MECOM: variants seen among roughly 807,000 people sequenced by gnomAD.
MECOM encodes the protein MDS1 and EVI1 complex locus, also known as histone-lysine N-methyltransferase MECOM.
Under a neutral mutation model 116.3 loss-of-function variants are expected in MECOM, and 13 were observed. The ratio of observed to expected loss-of-function variants is 0.11; its 90% CI spans 0.07 to 0.18. The LOEUF (loss-of-function observed/expected upper bound fraction) is 0.18. Ranked by LOEUF, MECOM falls within the 10% of genes least tolerant of loss-of-function variation. The pLI, the probability that MECOM is intolerant of heterozygous loss-of-function variation, is 1.00. For missense variants in MECOM, 1,299 were observed against 1,509.0 expected (o/e 0.86, Z 2.31); for synonymous variants, 528 against 535.2 (o/e 0.99, Z 0.19).
intron 2 of MECOM, among the ~76,000 whole-genome samples, chr3:169,244,745 A>C (rs188930798): frequency 6.6e-6 from 1 of 152,286 alleles, no homozygotes; most frequent in African/African-American, 2.4e-5. Flanking sequence ...TTTGACTTTA[A>C]CAAGTTTGGT....
chr3:169,172,399 AC>A (rs1222957087), intron 2 of MECOM, among the ~76,000 whole-genome samples: 7 of 136,718 alleles, frequency 5.1e-5, no homozygotes, highest in African/African-American at 1.7e-4. Context: ...TTCCGCAGGT[AC>A]CCTTGTATGT....
intron 1 of MECOM, among the ~76,000 whole-genome samples, chr3:169,433,796 C>T (rs1742172728): frequency 6.6e-6 from 1 of 152,098 alleles, no homozygotes; most frequent in Admixed American, 6.5e-5. Flanking sequence ...AATGCAAATA[C>T]ACAGGGCTTG....
intron 1 of MECOM, among the ~76,000 whole-genome samples, chr3:169,609,541 T>C (rs1768999386): frequency 6.6e-6 from 1 of 151,846 alleles, no homozygotes; most frequent in Middle Eastern, 3.4e-3. Flanking sequence ...CTAAAGCAGA[T>C]TGGTGGGAGA....
chr3:169,367,815 T>C (rs1190862992), intron 2 of MECOM, among the ~76,000 whole-genome samples: 1 of 151,334 alleles, frequency 6.6e-6, no homozygotes, highest in African/African-American at 2.4e-5. Context: ...TAACTTTCAA[T>C]TGTTCTTGAA....
intron 1 of MECOM, among the ~76,000 whole-genome samples, chr3:169,426,947 T>A (rs936562450): frequency 6.6e-6 from 1 of 152,158 alleles, no homozygotes; most frequent in East Asian, 1.9e-4. Flanking sequence ...TAGGTAGAAA[T>A]TAATCAACCC....
intron 3 of MECOM, among the ~76,000 whole-genome samples, chr3:169,132,505 A>G (rs916546173): frequency 9.9e-5 from 15 of 151,938 alleles, no homozygotes; most frequent in African/African-American, 3.4e-4. Flanking sequence ...TTTCATTCTA[A>G]GGTTATTTAT....
At position 169,507,650 on chromosome 3, in the gene MECOM, C is replaced by CTTTTTTT. The variant is rs1165167849; in HGVS notation, c.38-126133_38-126127dup. Among the ~76,000 whole-genome samples, 318 of 57,110 alleles carry CTTTTTTT rather than the reference C, an allele frequency of 5.6e-3. 49 individuals are homozygous for CTTTTTTT. Among genetic ancestry groups the CTTTTTTT allele is most frequent in the African/African-American group, 7.7e-3 (94 of 12,228 alleles). The allele number at this position is 57,110 out of a possible 152,430, so 37.5% of individuals were successfully genotyped here. On this transcript the variant is annotated intron_variant, in intron 1 of 16. Transcript: ENST00000651503. ...CAATTTTGGTTTAAATCCCCACTTG[C>CTTTTTTT]TTTTTTTTTTTTTTTTTTTTTTTTT...
chr3:169,182,679 A>T (rs1378952054), intron 2 of MECOM, among the ~76,000 whole-genome samples: 1 of 152,226 alleles, frequency 6.6e-6, no homozygotes, highest in Non-Finnish European at 1.5e-5. Context: ...GAATCAAACA[A>T]GGCCCAGTTG....
Position 169,250,980 on chromosome 3 carries a change from C to G in MECOM, c.376-107148G>C, listed in dbSNP as rs140316226. 3.6e-3 allele frequency among the ~76,000 whole-genome samples: 549 copies of G among 152,232 alleles called. 5 individuals carry two copies. Among genetic ancestry groups the G allele is most frequent in the Middle Eastern group, 0.01 (3 of 294 alleles). ...TTGGTAAATTTGCTAAAATGTTGAA[C>G]AGGTTTTCAAGAATGCATAACTAAT... On this transcript the variant is annotated intron_variant, in intron 2 of 16. Coordinates refer to ENST00000651503, the MANE Select transcript of MECOM (RefSeq NM_004991.4).
At chr3:169,337,259 G>T (rs1187099264) in intron 2 of MECOM, among the ~76,000 whole-genome samples, 1 of 151,994 alleles carries the variant, frequency 6.6e-6, no homozygotes. Flanking sequence ...ATTTTTTTAG[G>T]CAAGAAGGAA....
At chr3:169,164,921 G>C (rs1178142281) in intron 2 of MECOM, among the ~76,000 whole-genome samples, 1 of 152,104 alleles carries the variant, frequency 6.6e-6, no homozygotes, top group Non-Finnish European at 1.5e-5. Context: ...TGCATCCTGG[G>C]TGGATGACAC....
At chr3:169,544,663 A>G (rs1005636087) in intron 1 of MECOM, among the ~76,000 whole-genome samples, 2 of 152,214 alleles carry the variant, frequency 1.3e-5, no homozygotes, top group Non-Finnish European at 2.9e-5. Context: ...AAGGTGGTGC[A>G]TATACACCAT....
chr3:169,658,348 A>T (rs1228655290), intron 1 of MECOM, among the ~76,000 whole-genome samples: 2 of 152,194 alleles, frequency 1.3e-5, no homozygotes, highest in African/African-American at 4.8e-5. Flanking sequence ...CCCTTGCCCT[A>T]TGAGGCTAGG....
chr3:169,459,038 A>C (rs189461075), intron 1 of MECOM, among the ~76,000 whole-genome samples: 1 of 148,334 alleles, frequency 6.7e-6, no homozygotes, highest in Non-Finnish European at 1.5e-5. Flanking sequence ...GTACATATCC[A>C]AAATGGCTAT....
At chr3:169,351,599 G>A (rs1054672969) in intron 2 of MECOM, among the ~76,000 whole-genome samples, 1 of 151,706 alleles carries the variant, frequency 6.6e-6, no homozygotes, top group East Asian at 1.9e-4. Flanking sequence ...AGCTGATAAC[G>A]GTCATTTTTC....
chr3:169,479,866 C>T (rs1751032639), intron 1 of MECOM, among the ~76,000 whole-genome samples: 3 of 152,134 alleles, frequency 2.0e-5, no homozygotes, highest in Non-Finnish European at 4.4e-5. Flanking sequence ...TGCCAGGCAC[C>T]TTTAAAATCT....
chr3:169,499,281 A>T (rs1198055200), intron 1 of MECOM, among the ~76,000 whole-genome samples: 2 of 148,936 alleles, frequency 1.3e-5, no homozygotes, highest in Non-Finnish European at 3.0e-5. Context: ...TTGCAGTAAG[A>T]CTTCAAAAGG....
chr3:169,249,514 T>C (rs1487186350), intron 2 of MECOM, among the ~76,000 whole-genome samples: 1 of 152,254 alleles, frequency 6.6e-6, no homozygotes, highest in African/African-American at 2.4e-5. Context: ...CTTTGAAGAC[T>C]GCAAAAGTCT....
intron 2 of MECOM, among the ~76,000 whole-genome samples, chr3:169,195,756 T>C (rs542023666): frequency 1.3e-5 from 2 of 152,050 alleles, no homozygotes; most frequent in East Asian, 3.9e-4. Flanking sequence ...AAATGGGGGA[T>C]GGGAACAGAA....
Sources: allele counts gnomAD v4.1 joint callset (sites outside exome capture counted in the v4.1 genomes callset), GRCh38; gene constraint gnomAD v4.1.1; transcripts MANE v1.5; gene names NCBI Gene and HGNC (gene_info 2026-07-23, HGNC 2026-07-21).